The following NID2 variants were observed in gnomAD, a reference collection of about 807,000 sequenced individuals.
NID2 encodes the protein nidogen-2.
A neutral mutation model predicts 145.4 loss-of-function variants in NID2; 83 were observed. The observed-to-expected ratio is 0.57, with a 90% CI of 0.48 to 0.69. The LOEUF is 0.69. Among genes scored for constraint, NID2 ranks in the 30% least tolerant of loss-of-function variants. The pLI is 0.00. For synonymous variants in NID2, 739 were observed against 701.3 expected (o/e 1.05, Z -0.85); for missense variants, 1,807 against 1,765.7 (o/e 1.02, Z -0.42).
intron 2 of NID2, among the ~76,000 whole-genome samples, chr14:52,066,912 G>C (rs1264141256): frequency 1.3e-5 from 2 of 152,146 alleles, no homozygotes; most frequent in Non-Finnish European, 2.9e-5. Context: ...TTGATGACAA[G>C]ACTAAAGACC....
rs746028469 is a variant in NID2, at chr14:52,011,699, CAT to C, written c.3421-18_3421-17del. The C allele has an allele frequency of 2.6e-5, 42 of 1,613,810 alleles. No homozygotes were observed. The highest frequency in any genetic ancestry group is 3.1e-5 in the Non-Finnish European group (36 of 1,179,954). ...TTATGGAGCCCTTTGTGCATCAAAT[CAT>C]AGAATTAGAAGAATTAGGTTACATT... On this transcript the variant is annotated splice_polypyrimidine_tract_variant and intron_variant, in intron 16 of 21. Coordinates refer to ENST00000216286, the MANE Select transcript of NID2 (RefSeq NM_007361.4).
At chr14:52,044,233 C>T (rs530857755) in intron 5 of NID2, among the ~76,000 whole-genome samples, 1 of 150,700 alleles carries the variant, frequency 6.6e-6, no homozygotes, top group South Asian at 2.1e-4. Flanking sequence ...ACTTCAATCG[C>T]GCTTAACATA....
intron 3 of NID2, among the ~76,000 whole-genome samples, chr14:52,054,718 A>G (rs1540702): frequency 0.66 from 100,414 of 152,050 alleles, 34,200 homozygotes; most frequent in Non-Finnish European, 0.77. Flanking sequence ...CAAAAAAACA[A>G]AAAACCTGAA....
intron 16 of NID2, 135 bp downstream of exon 16, chr14:52,014,152 A>AT: frequency 8.8e-7 from 1 of 1,137,092 alleles, no homozygotes; most frequent in Non-Finnish European, 1.3e-6. Flanking sequence ...CATCGGGCCC[A>AT]TGCCGATGGG....
At chr14:52,039,664 A>G (rs1393386466) in intron 8 of NID2, among the ~76,000 whole-genome samples, 1 of 152,124 alleles carries the variant, frequency 6.6e-6, no homozygotes, top group Non-Finnish European at 1.5e-5. Context: ...GAAAGGCACA[A>G]CTCAATCCGG....
At chr14:52,028,965 G>A (rs1891698788) in intron 10 of NID2, 115 bp from the exon 11 acceptor site, 2 of 1,003,206 alleles carry the variant, frequency 2.0e-6, no homozygotes, top group South Asian at 4.1e-5. Flanking sequence ...CAAATGGTTG[G>A]CAGATGTAGA....
chr14:52,025,862 C>T (rs992278765), intron 12 of NID2, among the ~76,000 whole-genome samples: 5 of 152,056 alleles, frequency 3.3e-5, no homozygotes, highest in Admixed American at 6.5e-5. Context: ...TTGAAGAAGA[C>T]GAATATTCAA....
Position 52,040,635 on chromosome 14 carries a change from G to A in NID2, c.2026+16C>T, listed in dbSNP as rs765517058. 1.9e-6 allele frequency: 3 copies of A among 1,607,596 alleles called. No homozygotes were observed. In the South Asian group the frequency reaches 3.3e-5, roughly 18 times the overall value. On this transcript the variant is annotated intron_variant, in intron 8 of 21. Transcript: ENST00000216286. ...ATAATCCCCATTTTACAGATGTGAA[G>A]ACTGGTTATACATACTGGAGTCGGA...
chr14:52,019,204 T>TG lies in NID2; in HGVS notation c.2884dup (p.Gln962ProfsTer26). The TG allele has an allele frequency of 6.2e-7, 1 of 1,613,762 alleles. No homozygotes were observed. ...CAGGAAGTTGCCCTGCTCGTCGCAT[T>TG]GGGGGATGTGGAACCGGGCCCCAGG... On this transcript the variant is annotated frameshift_variant, in exon 14 of 22. Coordinates refer to ENST00000216286, the MANE Select transcript of NID2 (RefSeq NM_007361.4). LOFTEE classifies it high-confidence loss of function.
intron 1 of NID2, 93 bp downstream of exon 1, chr14:52,068,674 G>T: frequency 2.6e-6 from 3 of 1,134,018 alleles, no homozygotes; most frequent in Non-Finnish European, 3.8e-6. Flanking sequence ...CCAGGAGTGG[G>T]GTCTGTTTCC....
chr14:52,037,572 C>T lies in NID2; in HGVS notation c.2257+1175G>A, dbSNP rs542553938. Among the ~76,000 whole-genome samples, 102 of 152,270 alleles carry T rather than the reference C, an allele frequency of 6.7e-4. 1 individual carries two copies. The highest frequency in any genetic ancestry group is 7.4e-4 in the Non-Finnish European group (50 of 68,016). ...ACACTGTCTTGATTACTCTAGATTTCGAGTTTGAGAAATACAAGTCTGACT... is the reference window on the plus strand; with the variant it reads ...ACACTGTCTTGATTACTCTAGATTTTGAGTTTGAGAAATACAAGTCTGACT... On this transcript the variant is annotated intron_variant, in intron 9 of 21. Transcript: ENST00000216286.
intron 5 of NID2, among the ~76,000 whole-genome samples, chr14:52,053,291 A>G (rs1279714198): frequency 6.6e-6 from 1 of 152,252 alleles, no homozygotes; most frequent in Non-Finnish European, 1.5e-5. Context: ...ATTACACTTG[A>G]GAGCGTAGCT....
Position 52,028,805 on chromosome 14 carries a change from G to T in NID2, c.2447C>A (p.Ser816Tyr). 1 of 1,614,106 alleles carries T rather than the reference G, an allele frequency of 6.2e-7. No homozygotes were observed. Among genetic ancestry groups the T allele is most frequent in the South Asian group, 1.1e-5 (1 of 91,080 alleles). Reference protein sequence around the residue: ...ATGFHRCGPNSVCINLPGSYR... With the variant: ...ATGFHRCGPNYVCINLPGSYR... ...GCTTCCAGGCAAGTTGATACATACA[G>T]AGTTGGGGCCACAGCGATGAAAGCC... is the stretch of plus-strand genomic sequence containing the variant. The change falls in exon 11 of 22, where the codon TCT (serine) becomes TAT (tyrosine). Residue 816 changes from serine (S) to tyrosine (Y), a missense_variant. Physicochemically the swap from Ser to Tyr is moderately radical, Grantham distance 144 (BLOSUM62 -2). Transcript: ENST00000216286.
intron 3 of NID2, among the ~76,000 whole-genome samples, chr14:52,055,752 G>C (rs1031885565): frequency 1.4e-4 from 21 of 152,116 alleles, no homozygotes; most frequent in African/African-American, 4.3e-4. Context: ...CCCAAGCAAT[G>C]GAATTTCCTC....
chr14:52,010,141 A>C (rs1169779408), intron 18 of NID2: 1 of 152,178 alleles, frequency 6.6e-6, no homozygotes, highest in East Asian at 1.9e-4. Flanking sequence ...GTAGAACCCA[A>C]AGTTTGAAAC....
rs755727534 is a variant in NID2, at chr14:52,022,768, T to C, written c.2675-2590A>G. Among the ~76,000 whole-genome samples the C allele has an allele frequency of 2.6e-5, 4 of 152,208 alleles. No homozygotes were observed. In the South Asian group the frequency reaches 6.2e-4, roughly 24 times the overall value. On this transcript the variant is annotated intron_variant, in intron 12 of 21. Coordinates refer to ENST00000216286, the MANE Select transcript of NID2 (RefSeq NM_007361.4). ...AACATCCTTCTCACTGCCCAAGTACTGAGCAAAACCAGCAGGAACTGTTGG... is the reference window on the plus strand; with the variant it reads ...AACATCCTTCTCACTGCCCAAGTACCGAGCAAAACCAGCAGGAACTGTTGG...
At position 52,038,889 on chromosome 14, in the gene NID2, A is replaced by G. The variant is rs778163727; in HGVS notation, c.2115T>C (p.Thr705=). The change falls in exon 9 of 22, where the codon ACT becomes ACC. Residue 705 remains threonine (T), a synonymous_variant. Coordinates refer to ENST00000216286, the MANE Select transcript of NID2 (RefSeq NM_007361.4). ...TGGGGGCGTGCCTGCACACCTGGTA[A>G]GTGATGTTCTGGTGGATGCGGTAGG... is the stretch of plus-strand genomic sequence containing the variant. ...TWSYRIHQNI[T]YQVCRHAPRH... is the part of the protein sequence containing the mutation. 1 of 1,614,152 alleles carries G rather than the reference A, an allele frequency of 6.2e-7. No individual in the cohort carries two copies. The highest frequency in any genetic ancestry group is 1.3e-5 in the African/African-American group (1 of 75,046).
chr14:52,005,499 G>A lies in NID2; in HGVS notation c.4118-3C>T. The A allele has an allele frequency of 6.3e-7, 1 of 1,598,696 alleles. No homozygotes were observed. The highest frequency in any genetic ancestry group is 8.5e-7 in the Non-Finnish European group (1 of 1,174,254). ...ACATTACTGTACTTACTTTCTTCCT[G>A]TGAGAGAAGAGCAGGGGTGGGACAG... On this transcript the variant is annotated splice_region_variant and splice_polypyrimidine_tract_variant and intron_variant, in intron 21 of 21. Coordinates refer to ENST00000216286, the MANE Select transcript of NID2 (RefSeq NM_007361.4).
chr14:52,038,572 A>G (rs1892157293), intron 9 of NID2, among the ~76,000 whole-genome samples, 175 bp downstream of exon 9: 1 of 152,104 alleles, frequency 6.6e-6, no homozygotes, highest in East Asian at 1.9e-4. Flanking sequence ...TCCCTGCCCT[A>G]AAACTCTTTT....
Sources: allele counts gnomAD v4.1 joint callset (sites outside exome capture counted in the v4.1 genomes callset), GRCh38; gene constraint gnomAD v4.1.1; transcripts MANE v1.5; gene names NCBI Gene and HGNC (gene_info 2026-07-23, HGNC 2026-07-21).